The following NDC1 variants were observed in gnomAD, a reference collection of about 807,000 sequenced individuals.
The protein encoded by NDC1 is nucleoporin NDC1.
A neutral mutation model predicts 89.8 loss-of-function variants in NDC1; 24 were observed. The ratio of observed to expected loss-of-function variants is 0.27; its 90% CI spans 0.19 to 0.38. The LOEUF is 0.38. NDC1 is among the 10% of genes least tolerant of loss of function. NDC1 has a pLI of 1.00. For synonymous variants in NDC1, 296 were observed against 284.8 expected (o/e 1.04, Z -0.39); for missense variants, 728 against 797.6 (o/e 0.91, Z 1.05).
intron 5 of NDC1, among the ~76,000 whole-genome samples, chr1:53,822,032 T>C (rs1387412667): frequency 6.6e-6 from 1 of 152,218 alleles, no homozygotes; most frequent in East Asian, 1.9e-4. Context: ...TTGTATTTTT[T>C]ACACTCCTGG....
intron 3 of NDC1, among the ~76,000 whole-genome samples, 193 bp downstream of exon 3, chr1:53,832,297 A>T (rs978931940): frequency 5.3e-5 from 8 of 152,176 alleles, no homozygotes; most frequent in African/African-American, 1.7e-4. Context: ...ATTTGTCCTA[A>T]AAAGTCTAAA....
chr1:53,772,850 A>G (rs964754221), intron 16 of NDC1, among the ~76,000 whole-genome samples: 7 of 152,160 alleles, frequency 4.6e-5, no homozygotes, highest in Non-Finnish European at 1.0e-4. Context: ...AGATATACAC[A>G]TATCTATAGC....
chr1:53,816,647 A>AAAC (rs1553149894), intron 6 of NDC1, among the ~76,000 whole-genome samples: 2 of 148,748 alleles, frequency 1.3e-5, no homozygotes, highest in African/African-American at 5.0e-5. Context: ...ACAAAAAACA[A>AAAC]AAAAAAAAAA....
At chr1:53,818,186 T>C (rs925439996) in intron 6 of NDC1, among the ~76,000 whole-genome samples, 15 of 152,192 alleles carry the variant, frequency 9.9e-5, no homozygotes, top group African/African-American at 3.6e-4. Flanking sequence ...CCTGTAATCC[T>C]AGCACTTTGG....
At chr1:53,820,695 C>A (rs1456254595) in intron 5 of NDC1, among the ~76,000 whole-genome samples, 1 of 143,520 alleles carries the variant, frequency 7.0e-6, no homozygotes, top group African/African-American at 2.6e-5. Context: ...AGATGTACTT[C>A]TCTCTCTTTT....
chr1:53,822,823 T>A (rs1648720085), intron 5 of NDC1, among the ~76,000 whole-genome samples: 1 of 152,140 alleles, frequency 6.6e-6, no homozygotes, highest in Non-Finnish European at 1.5e-5. Flanking sequence ...TTATTGCTTA[T>A]AAAATTCTTT....
chr1:53,832,583 T>C lies in NDC1; in HGVS notation c.187A>G (p.Ser63Gly), dbSNP rs1649101975. Reference sequence around the variant, plus strand: ...ATTACATAGGAACTATACAGGTCACTGAAAGAATCTAAAACACAAGAGAGA... The same window carrying C: ...ATTACATAGGAACTATACAGGTCACCGAAAGAATCTAAAACACAAGAGAGA... ...HPIQWLSDSF[S>G]DLYSSYVIFY... The change falls in exon 3 of 18, where the codon AGT (serine) becomes GGT (glycine). Residue 63 changes from serine (S) to glycine (G), a missense_variant. Coordinates refer to ENST00000371429, the MANE Select transcript of NDC1 (RefSeq NM_018087.5). The C allele has an allele frequency of 1.3e-6, 2 of 1,547,290 alleles. No individual in the cohort carries two copies. The highest frequency in any genetic ancestry group is 2.7e-5 in the African/African-American group (2 of 73,642).
rs531238089 is a variant in NDC1, at chr1:53,803,727, A to G, written c.1066+201T>C. 5.4e-4 allele frequency among the ~76,000 whole-genome samples: 82 copies of G among 152,148 alleles called. No individual in the cohort carries two copies. In the East Asian group the frequency reaches 0.013, roughly 25 times the overall value. The stretch of plus-strand genomic sequence containing the variant: ...GCTGGGACTACAGGCGCCCGCCACC[A>G]CGCCCGGCTAATTTTTTGTATCTTT... On this transcript the variant is annotated intron_variant, in intron 10 of 17. Coordinates refer to ENST00000371429, the MANE Select transcript of NDC1 (RefSeq NM_018087.5).
intron 16 of NDC1, among the ~76,000 whole-genome samples, chr1:53,779,244 T>C (rs1443446642): frequency 6.6e-6 from 1 of 151,294 alleles, no homozygotes; most frequent in Admixed American, 6.6e-5. Flanking sequence ...ACAGAGATAA[T>C]CTCATTTACT....
intron 13 of NDC1, among the ~76,000 whole-genome samples, chr1:53,796,054 C>T (rs1452355879): frequency 6.6e-6 from 1 of 152,180 alleles, no homozygotes; most frequent in Non-Finnish European, 1.5e-5. Flanking sequence ...TGGGCTGCTC[C>T]CAGCTCTCCC....
intron 17 of NDC1, among the ~76,000 whole-genome samples, chr1:53,772,024 G>A (rs1647117020): frequency 6.6e-6 from 1 of 151,856 alleles, no homozygotes; most frequent in South Asian, 2.1e-4. Flanking sequence ...AGGTACTCGG[G>A]TTTTCTGCTC....
chr1:53,822,439 T>C (rs1260032222), intron 5 of NDC1, among the ~76,000 whole-genome samples: 6 of 152,106 alleles, frequency 3.9e-5, no homozygotes, highest in African/African-American at 1.4e-4. Flanking sequence ...AAATATATAA[T>C]GTTATAGGTA....
intron 8 of NDC1, among the ~76,000 whole-genome samples, chr1:53,807,246 C>CAAAA (rs56393499): frequency 1.8e-5 from 1 of 55,274 alleles, no homozygotes; most frequent in South Asian, 1.0e-3. Context: ...GACCCTATCT[C>CAAAA]AAAAAAAAAA....
chr1:53,811,139 A>G (rs939467679), intron 6 of NDC1, among the ~76,000 whole-genome samples: 14 of 152,214 alleles, frequency 9.2e-5, no homozygotes, highest in African/African-American at 3.1e-4. Context: ...TGCACTCCCT[A>G]GCAGGCCATT....
intron 16 of NDC1, among the ~76,000 whole-genome samples, chr1:53,776,043 C>T (rs559932715): frequency 6.6e-6 from 1 of 151,788 alleles, no homozygotes; most frequent in African/African-American, 2.4e-5. Context: ...CAACCTCTGC[C>T]TCCCTGGTTC....
At chr1:53,834,361 T>G (rs1398580408) in intron 2 of NDC1, among the ~76,000 whole-genome samples, 1 of 152,228 alleles carries the variant, frequency 6.6e-6, no homozygotes, top group East Asian at 1.9e-4. Flanking sequence ...ATAGAAATAT[T>G]TGCTATGCCT....
chr1:53,806,716 C>T (rs907861284), intron 8 of NDC1, among the ~76,000 whole-genome samples, 199 bp from the exon 9 acceptor site: 7 of 152,174 alleles, frequency 4.6e-5, no homozygotes, highest in Middle Eastern at 3.4e-3. Flanking sequence ...TAGACTCTGT[C>T]TCTGAATAAT....
At chr1:53,792,278 C>T (rs1335857343) in intron 14 of NDC1, among the ~76,000 whole-genome samples, 1 of 152,138 alleles carries the variant, frequency 6.6e-6, no homozygotes, top group Non-Finnish European at 1.5e-5. Flanking sequence ...TGAAGTAAAA[C>T]TTCAGACAAC....
At chr1:53,830,857 C>T (rs954238579) in intron 3 of NDC1, among the ~76,000 whole-genome samples, 4 of 147,888 alleles carry the variant, frequency 2.7e-5, no homozygotes, top group African/African-American at 5.0e-5. Context: ...AGTGAAACTC[C>T]GTCTCAAAAA....
Sources: allele counts gnomAD v4.1 joint callset (sites outside exome capture counted in the v4.1 genomes callset), GRCh38; gene constraint gnomAD v4.1.1; transcripts MANE v1.5; gene names NCBI Gene and HGNC (gene_info 2026-07-23, HGNC 2026-07-21).